Variants in SIPA1L1 observed in about 807,000 individuals in gnomAD.
The protein encoded by SIPA1L1 is signal induced proliferation associated 1 like 1.
In SIPA1L1, 26 loss-of-function variants were observed where a neutral mutation model predicts 162.7. The observed-to-expected ratio is 0.16, with a 90% CI of 0.12 to 0.22. The LOEUF is 0.22. SIPA1L1 is among the 10% of genes least tolerant of loss of function. The probability of loss-of-function intolerance (pLI) is 1.00; values close to 1 mark genes in which losing one functional copy is unlikely to be tolerated. For missense variants in SIPA1L1, 1,874 were observed against 2,241.0 expected (o/e 0.84, Z 3.31); for synonymous variants, 829 against 837.4 (o/e 0.99, Z 0.17).
chr14:71,320,536 T>G (rs925082484), intron 1 of SIPA1L1, 33 bp downstream of exon 1: 1 of 152,034 alleles, frequency 6.6e-6, no homozygotes. Context: ...GGCTGGAGGG[T>G]CCCCGGGGAG....
chr14:71,375,063 C>T (rs1334550424), intron 2 of SIPA1L1, among the ~76,000 whole-genome samples: 2 of 152,138 alleles, frequency 1.3e-5, no homozygotes, highest in African/African-American at 4.8e-5. Context: ...TCTTATAGAA[C>T]TATAACAACT....
In SIPA1L1 at chr14:71,451,914, G is replaced by A. The variant is rs116985791; in HGVS notation, c.-464-60829G>A. ...AATGGTCATTATATAAGACAAAAAT[G>A]CATGGAATTATATACATCAAAAACA... On this transcript the variant is annotated intron_variant, in intron 2 of 23. Coordinates refer to ENST00000381232, the MANE Select transcript of SIPA1L1 (RefSeq NM_001386936.1). Among the ~76,000 whole-genome samples, 679 of 152,190 alleles carry A rather than the reference G, an allele frequency of 4.5e-3. 18 individuals are homozygous for A. In the East Asian group the frequency reaches 0.072, roughly 16 times the overall value.
intron 12 of SIPA1L1, among the ~76,000 whole-genome samples, chr14:71,684,796 T>C (rs2046139347): frequency 6.6e-6 from 1 of 151,982 alleles, no homozygotes; most frequent in Non-Finnish European, 1.5e-5. Flanking sequence ...CAGAGCTCAG[T>C]CACTGTATGC....
At chr14:71,366,431 G>T (rs941428313) in intron 2 of SIPA1L1, among the ~76,000 whole-genome samples, 3 of 151,946 alleles carry the variant, frequency 2.0e-5, no homozygotes, top group African/African-American at 7.3e-5. Context: ...TTTTGGCTCT[G>T]CATTTATTAT....
At position 71,652,175 on chromosome 14, in the gene SIPA1L1, T is replaced by G. The variant is rs534180005; in HGVS notation, c.1993+1666T>G. Reference sequence around the variant, plus strand: ...GAAGACAGTACGCAAAATCATCTCTTTTACTCCAAGCTTATTAATAGGGGC... The same window carrying G: ...GAAGACAGTACGCAAAATCATCTCTGTTACTCCAAGCTTATTAATAGGGGC... On this transcript the variant is annotated intron_variant, in intron 8 of 23. Transcript: ENST00000381232. Among the ~76,000 whole-genome samples the G allele has an allele frequency of 4.6e-5, 7 of 152,246 alleles. 1 individual carries two copies. The highest frequency in any genetic ancestry group is 1.7e-4 in the African/African-American group (7 of 41,554).
chr14:71,679,729 TGGAG>T (rs2045600916), intron 12 of SIPA1L1, among the ~76,000 whole-genome samples: 1 of 151,958 alleles, frequency 6.6e-6, no homozygotes, highest in African/African-American at 2.4e-5. Context: ...AATAAAAGGA[TGGAG>T]GAAGATCTAC....
At chr14:71,330,670 C>G in intron 2 of SIPA1L1, 1 of 876,546 alleles carries the variant, frequency 1.1e-6, no homozygotes, top group South Asian at 1.3e-5. Context: ...GTGGGGTACC[C>G]TCTCATGAGG....
intron 2 of SIPA1L1, among the ~76,000 whole-genome samples, chr14:71,473,036 AT>A (rs977057481): frequency 6.6e-6 from 1 of 151,810 alleles, no homozygotes. Context: ...AATGGGTGTT[AT>A]TTCTCTAATT....
intron 13 of SIPA1L1, among the ~76,000 whole-genome samples, chr14:71,695,531 T>C (rs973515063): frequency 1.3e-5 from 2 of 152,370 alleles, no homozygotes; most frequent in Non-Finnish European, 2.9e-5. Flanking sequence ...AATACAAATG[T>C]AAAGGTTACA....
At chr14:71,417,950 A>G (rs1382756851) in intron 2 of SIPA1L1, among the ~76,000 whole-genome samples, 2 of 152,118 alleles carry the variant, frequency 1.3e-5, no homozygotes, top group African/African-American at 4.8e-5. Context: ...TTATTATCCA[A>G]AGCCCATTTC....
intron 2 of SIPA1L1, among the ~76,000 whole-genome samples, chr14:71,462,385 C>T (rs1270346139): frequency 2.0e-5 from 3 of 152,194 alleles, no homozygotes; most frequent in Non-Finnish European, 2.9e-5. Flanking sequence ...GCAGCCTGGA[C>T]CTGTTGCAGA....
At chr14:71,702,332 A>C (rs757455061) in intron 14 of SIPA1L1, 49 bp from the exon 15 acceptor site, 1 of 1,603,466 alleles carries the variant, frequency 6.2e-7, no homozygotes, top group East Asian at 2.2e-5. Context: ...CCTTCCCCTC[A>C]TGGGTAAGGT....
Position 71,492,339 on chromosome 14 carries a change from A to C in SIPA1L1, c.-464-20404A>C, listed in dbSNP as rs111332921. On this transcript the variant is annotated intron_variant, in intron 2 of 23. Transcript: ENST00000381232. Reference sequence around the variant, plus strand: ...CTTCAATATAGCCGTGTTTTTTTCCAACAGCATAAAGGGTCAGCTTGATGC... The same window carrying C: ...CTTCAATATAGCCGTGTTTTTTTCCCACAGCATAAAGGGTCAGCTTGATGC... 3.3e-3 allele frequency among the ~76,000 whole-genome samples: 498 copies of C among 152,266 alleles called. 4 individuals are homozygous for C. Among genetic ancestry groups the C allele is most frequent in the Middle Eastern group, 0.027 (8 of 294 alleles).
At chr14:71,544,226 T>C (rs139827021) in intron 4 of SIPA1L1, among the ~76,000 whole-genome samples, 278 of 150,684 alleles carry the variant, frequency 1.8e-3, no homozygotes, top group African/African-American at 5.9e-3. Flanking sequence ...TGTATATACA[T>C]ATATCATGTA....
At chr14:71,456,765 G>A (rs527807130) in intron 2 of SIPA1L1, among the ~76,000 whole-genome samples, 30 of 152,134 alleles carry the variant, frequency 2.0e-4, no homozygotes, top group Non-Finnish European at 3.5e-4. Context: ...CCTGGTGGAC[G>A]AATCCAGTTT....
chr14:71,699,626 A>G (rs536550316), intron 14 of SIPA1L1, among the ~76,000 whole-genome samples: 40 of 152,174 alleles, frequency 2.6e-4, no homozygotes, highest in Non-Finnish European at 4.3e-4. Flanking sequence ...GAGTTTGGAG[A>G]CCATGTGGGA....
intron 11 of SIPA1L1, 143 bp downstream of exon 11, chr14:71,671,835 TC>T (rs2044550711): frequency 3.1e-6 from 2 of 651,474 alleles, no homozygotes; most frequent in Admixed American, 3.1e-5. Context: ...ACAGAGTTTA[TC>T]TCATGCTTGT....
At chr14:71,489,901 A>C (rs1595733090) in intron 2 of SIPA1L1, among the ~76,000 whole-genome samples, 1 of 152,142 alleles carries the variant, frequency 6.6e-6, no homozygotes, top group South Asian at 2.1e-4. Flanking sequence ...ACGGGGCTGG[A>C]AGTCAGTTTA....
At chr14:71,655,053 A>G (rs2042944334) in intron 8 of SIPA1L1, among the ~76,000 whole-genome samples, 1 of 152,172 alleles carries the variant, frequency 6.6e-6, no homozygotes, top group Non-Finnish European at 1.5e-5. Context: ...TTAGCCAAAT[A>G]GTGAGCATAG....
Sources: gnomAD v4.1 joint callset for allele counts (sites outside exome capture counted in the v4.1 genomes callset) on GRCh38, gnomAD v4.1.1 for gene constraint, MANE v1.5 for transcripts, NCBI Gene and HGNC (gene_info 2026-07-23, HGNC 2026-07-21) for gene names.